GALR3: variants seen among roughly 807,000 people sequenced by gnomAD.
The protein encoded by GALR3 is galanin receptor type 3.
Under a neutral mutation model 6.9 loss-of-function variants are expected in GALR3, and 5 were observed. That is an observed-to-expected ratio of 0.72 (90% confidence interval 0.38 to 1.52). The LOEUF (loss-of-function observed/expected upper bound fraction) is 1.52, where lower values mean the gene tolerates loss of function less well. Ranked by LOEUF, GALR3 falls within the 40% of genes most tolerant of loss-of-function variation. GALR3 has a pLI of 0.03. For synonymous variants in GALR3, 308 were observed against 263.6 expected, an observed-to-expected ratio of 1.17 and a Z score of -1.63; for missense variants, 570 against 545.6, an observed-to-expected ratio of 1.04 and a Z score of -0.44.
Position 37,824,772 on chromosome 22 carries a change from C to G in GALR3, c.409C>G (p.Arg137Gly). Residue 137 changes from arginine (R) to glycine (G), a missense_variant, in exon 2 of 2, where the codon CGT becomes GGT. Arg to Gly is a moderately radical substitution (Grantham distance 125). Transcript: ENST00000249041. The part of the protein sequence containing the change: ...PLRSRALRTP[R>G]NARAAVGLVW... ...GCGCTCGCGCGCCCTGCGCACGCCG[C>G]GTAACGCCCGCGCCGCAGTGGGGCT... 1 of 1,284,902 alleles carries G rather than the reference C, an allele frequency of 7.8e-7. No homozygotes were observed. The highest frequency in any genetic ancestry group is 9.8e-7 in the Non-Finnish European group (1 of 1,017,526). The allele number at this position is 1,284,902 out of a possible 1,614,324, so 79.6% of individuals were successfully genotyped here. A position where few individuals can be genotyped will look rare whatever the true frequency, so the allele number is the denominator to read the frequency against.
intron 1 of GALR3, 101 bp downstream of exon 1, chr22:37,823,866 G>A: frequency 1.5e-6 from 1 of 688,864 alleles, no homozygotes; most frequent in East Asian, 2.7e-5. Flanking sequence ...GAGAGAGTGG[G>A]GGACCAGAAA....
chr22:37,823,864 G>C lies in GALR3; in HGVS notation c.359+99G>C, dbSNP rs2145944507. The C allele has an allele frequency of 4.3e-6, 3 of 690,740 alleles. No homozygotes were observed. In the South Asian group the frequency reaches 5.5e-5, roughly 13 times the overall value. 42.8% of individuals were successfully genotyped at this position (690,740 alleles called of 1,614,324 possible). On this transcript the variant is annotated intron_variant, in intron 1 of 1. Transcript: ENST00000249041. ...TCACTGGCCTTAGGAAGGAGAGAGT[G>C]GGGGACCAGAAAGGGAGGTGGGTGG...
At position 37,825,107 on chromosome 22, in the gene GALR3, G is replaced by A. The variant is rs1197672262; in HGVS notation, c.744G>A (p.Trp248Ter). 1.3e-5 allele frequency: 18 copies of A among 1,371,716 alleles called. No homozygotes were observed. The highest frequency in any genetic ancestry group is 2.1e-4 in the Middle Eastern group (1 of 4,692). The allele number at this position is 1,371,716 out of a possible 1,614,324, so 85.0% of individuals were successfully genotyped here. ...LAVAALYALC[W>*]GPHHALILCF... ...TGGCCGCGCTCTACGCGCTCTGCTGGGGTCCGCACCACGCGCTCATCCTGT... is the reference window on the plus strand; with the variant it reads ...TGGCCGCGCTCTACGCGCTCTGCTGAGGTCCGCACCACGCGCTCATCCTGT... The change falls in exon 2 of 2, where the codon TGG becomes TGA. Residue 248 changes from tryptophan (W) to a stop codon, truncating the protein, a stop_gained. Coordinates refer to ENST00000249041, the MANE Select transcript of GALR3 (RefSeq NM_003614.2). LOFTEE classifies it low-confidence loss of function (END_TRUNC).
Position 37,823,586 on chromosome 22 carries a change from C to A in GALR3, c.180C>A (p.Phe60Leu), listed in dbSNP as rs1251896665. ...WQEPGSTTDL[F>L]ILNLAVADLC... ...AGCCTGGCAGCACCACGGACCTGTT[C>A]ATCCTCAACCTGGCGGTGGCTGACC... Residue 60 changes from phenylalanine (F) to leucine (L), a missense_variant, in exon 1 of 2, where the codon TTC becomes TTA. Phe to Leu is a conservative substitution (Grantham distance 22, BLOSUM62 0). Transcript: ENST00000249041. 1 of 1,614,156 alleles carries A rather than the reference C, an allele frequency of 6.2e-7. No individual in the cohort carries two copies. The highest frequency in any genetic ancestry group is 1.3e-5 in the African/African-American group (1 of 75,066).
chr22:37,824,374 T>C (rs1190141255), intron 1 of GALR3, among the ~76,000 whole-genome samples: 1 of 152,088 alleles, frequency 6.6e-6, no homozygotes, highest in Non-Finnish European at 1.5e-5. Flanking sequence ...CCAGCCCAGC[T>C]ATTTTCTAAC....
intron 1 of GALR3, among the ~76,000 whole-genome samples, chr22:37,824,389 C>T (rs1922532898): frequency 6.6e-6 from 1 of 152,154 alleles, no homozygotes; most frequent in Non-Finnish European, 1.5e-5. Flanking sequence ...TCTAACTGCC[C>T]ACACCTGGCC....
intron 1 of GALR3, 61 bp from the exon 2 acceptor site, chr22:37,824,662 C>G (rs1310158678): frequency 1.5e-5 from 16 of 1,055,958 alleles, no homozygotes; most frequent in Non-Finnish European, 1.5e-5. Context: ...GGGCGCGGGA[C>G]GTGGCGCGGG....
At position 37,825,389 on chromosome 22, in the gene GALR3, G is replaced by A. The variant is rs1922584929; in HGVS notation, c.1026G>A (p.Arg342=). The A allele has an allele frequency of 7.2e-7, 1 of 1,388,972 alleles. No individual in the cohort carries two copies. Among genetic ancestry groups the A allele is most frequent in the Non-Finnish European group, 9.4e-7 (1 of 1,066,740 alleles). The allele number at this position is 1,388,972 out of a possible 1,614,324, so 86.0% of individuals were successfully genotyped here. The change falls in exon 2 of 2, where the codon AGG becomes AGA. Residue 342 remains arginine (R), a synonymous_variant. Coordinates refer to ENST00000249041, the MANE Select transcript of GALR3 (RefSeq NM_003614.2). ...GCPGDARPSG[R]LLAGGGQGPE... is the part of the protein sequence containing the mutation. Reference sequence around the variant, plus strand: ...CCGGAGACGCCCGGCCTAGCGGGAGGCTGCTGGCTGGTGGCGGCCAGGGCC... The same window carrying A: ...CCGGAGACGCCCGGCCTAGCGGGAGACTGCTGGCTGGTGGCGGCCAGGGCC...
rs778971655 is a variant in GALR3, at chr22:37,825,122, G to A, written c.759G>A (p.Ala253=). ...CGCTCTGCTGGGGTCCGCACCACGCGCTCATCCTGTGCTTCTGGTACGGCC... is the reference window on the plus strand; with the variant it reads ...CGCTCTGCTGGGGTCCGCACCACGCACTCATCCTGTGCTTCTGGTACGGCC... ...LYALCWGPHH[A]LILCFWYGRF... Residue 253 remains alanine, a synonymous_variant, in exon 2 of 2, where the codon GCG becomes GCA. Transcript: ENST00000249041. 4.9e-6 allele frequency: 7 copies of A among 1,437,478 alleles called. No individual in the cohort carries two copies. The highest frequency in any genetic ancestry group is 3.0e-5 in the East Asian group (1 of 33,006). 89.0% of individuals were successfully genotyped at this position (1,437,478 alleles called of 1,614,324 possible).
At position 37,824,848 on chromosome 22, in the gene GALR3, G is replaced by C; in HGVS notation, c.485G>C (p.Gly162Ala). ...LFSAPYLSYYGTVRYGALELC... is the reference protein window; with the variant it reads ...LFSAPYLSYYATVRYGALELC... ...TCGGCGCCCTACCTCAGCTACTACG[G>C]CACCGTGCGCTACGGCGCGCTGGAG... Residue 162 changes from glycine to alanine, a missense_variant, in exon 2 of 2, where the codon GGC becomes GCC. Physicochemically the swap from Gly to Ala is moderately conservative, Grantham distance 60 (BLOSUM62 0). Coordinates refer to ENST00000249041, the MANE Select transcript of GALR3 (RefSeq NM_003614.2). 1 of 1,417,096 alleles carries C rather than the reference G, an allele frequency of 7.1e-7. No homozygotes were observed. The highest frequency in any genetic ancestry group is 9.3e-7 in the Non-Finnish European group (1 of 1,079,826). 87.8% of individuals were successfully genotyped at this position (1,417,096 alleles called of 1,614,324 possible).
At position 37,825,347 on chromosome 22, in the gene GALR3, G is replaced by T; in HGVS notation, c.984G>T (p.Ser328=). ...TGCGTCGCGTCCGCCCCGCGTCCTC[G>T]GGCCCACCCGGCTGCCCCGGAGACG... is the stretch of plus-strand genomic sequence containing the variant. ...RALRRVRPAS[S]GPPGCPGDAR... The change falls in exon 2 of 2, where the codon TCG becomes TCT. Residue 328 remains serine (S), a synonymous_variant. Transcript: ENST00000249041. The T allele has an allele frequency of 7.7e-7, 1 of 1,293,950 alleles. No individual in the cohort carries two copies. The highest frequency in any genetic ancestry group is 9.8e-7 in the Non-Finnish European group (1 of 1,021,210). The allele number at this position is 1,293,950 out of a possible 1,614,324, so 80.2% of individuals were successfully genotyped here.
rs762101065 is a variant in GALR3 at position 37,823,577 on chromosome 22, G to C, written c.171G>C (p.Thr57=). 2 of 1,614,084 alleles carry C rather than the reference G, an allele frequency of 1.2e-6. No homozygotes were observed. The highest frequency in any genetic ancestry group is 1.7e-6 in the Non-Finnish European group (2 of 1,180,012). ...PSAWQEPGST[T]DLFILNLAVA... ...CCTGGCAGGAGCCTGGCAGCACCAC[G>C]GACCTGTTCATCCTCAACCTGGCGG... Residue 57 remains threonine, a synonymous_variant, in exon 1 of 2, where the codon ACG becomes ACC. Transcript: ENST00000249041.
Position 37,823,679 on chromosome 22 carries a change from G to C in GALR3, c.273G>C (p.Gly91=). Residue 91 remains glycine, a synonymous_variant, in exon 1 of 2, where the codon GGG becomes GGC. Transcript: ENST00000249041. The stretch of plus-strand genomic sequence containing the variant: ...ACACGCTGGATGCCTGGCTCTTTGG[G>C]GCCCTCGTCTGCAAGGCCGTGCACC... ...TIYTLDAWLF[G]ALVCKAVHLL... is the part of the protein sequence containing the mutation. 1 of 1,613,890 alleles carries C rather than the reference G, an allele frequency of 6.2e-7. No homozygotes were observed. The highest frequency in any genetic ancestry group is 8.5e-7 in the Non-Finnish European group (1 of 1,179,958).
Position 37,823,660 on chromosome 22 carries a change from T to C in GALR3, c.254T>C (p.Leu85Pro). 2.5e-6 allele frequency: 4 copies of C among 1,614,050 alleles called. No individual in the cohort carries two copies. The highest frequency in any genetic ancestry group is 3.4e-6 in the Non-Finnish European group (4 of 1,179,968). ...CCCTTCCAGGCCACCATCTACACGC[T>C]GGATGCCTGGCTCTTTGGGGCCCTC... Reference protein sequence around the residue: ...CVPFQATIYTLDAWLFGALVC... With the variant: ...CVPFQATIYTPDAWLFGALVC... The change falls in exon 1 of 2, where the codon CTG becomes CCG. Residue 85 changes from leucine (L) to proline (P), a missense_variant. Leu to Pro is a moderately conservative substitution (Grantham distance 98). Coordinates refer to ENST00000249041, the MANE Select transcript of GALR3 (RefSeq NM_003614.2).
At chr22:37,823,849 T>G in intron 1 of GALR3, 84 bp downstream of exon 1, 1 of 748,318 alleles carries the variant, frequency 1.3e-6, no homozygotes, top group Non-Finnish European at 2.2e-6. Flanking sequence ...TCACTGGCCT[T>G]AGGAAGGAGA....
intron 1 of GALR3, among the ~76,000 whole-genome samples, chr22:37,824,469 C>T (rs975069794): frequency 6.6e-6 from 1 of 152,206 alleles, no homozygotes; most frequent in African/African-American, 2.4e-5. Context: ...CAGCTGATGA[C>T]CCTGGGCAAG....
In GALR3 at chr22:37,823,766, G is replaced by A; in HGVS notation, c.359+1G>A. 1.3e-6 allele frequency: 2 copies of A among 1,570,130 alleles called. No individual in the cohort carries two copies. The highest frequency in any genetic ancestry group is 1.1e-5 in the South Asian group (1 of 89,638). ...CGCTGGCTGCTGTCTCCGTGGACAG[G>A]TGCGCTGTGCCTGGGGCCTGGCTGG... On this transcript the variant is annotated splice_donor_variant, in intron 1 of 1. Transcript: ENST00000249041. LOFTEE classifies it high-confidence loss of function.
In GALR3 at chr22:37,824,971, C is replaced by G; in HGVS notation, c.608C>G (p.Ala203Gly). ...YLLPVAVVSL[A>G]YGRTLRFLWA... ...CTGCCCGTGGCTGTGGTGAGCCTGGCCTACGGGCGCACGCTGCGCTTCCTG... is the reference window on the plus strand; with the variant it reads ...CTGCCCGTGGCTGTGGTGAGCCTGGGCTACGGGCGCACGCTGCGCTTCCTG... Residue 203 changes from alanine (A) to glycine (G), a missense_variant, in exon 2 of 2, where the codon GCC becomes GGC. Coordinates refer to ENST00000249041, the MANE Select transcript of GALR3 (RefSeq NM_003614.2). 1 of 1,249,756 alleles carries G rather than the reference C, an allele frequency of 8.0e-7. No homozygotes were observed. Among genetic ancestry groups the G allele is most frequent in the Non-Finnish European group, 1.0e-6 (1 of 990,884 alleles). The allele number at this position is 1,249,756 out of a possible 1,614,324, so 77.4% of individuals were successfully genotyped here.
At position 37,825,334 on chromosome 22, in the gene GALR3, G is replaced by GCCCCGCGTCCT. The variant is rs1294210526; in HGVS notation, c.973_983dup (p.Gly329ProfsTer?). The GCCCCGCGTCCT allele has an allele frequency of 3.1e-6, 4 of 1,277,656 alleles. No individual in the cohort carries two copies. The highest frequency in any genetic ancestry group is 3.9e-6 in the Non-Finnish European group (4 of 1,015,444). The allele number at this position is 1,277,656 out of a possible 1,614,324, so 79.1% of individuals were successfully genotyped here. On this transcript the variant is annotated frameshift_variant, in exon 2 of 2. Transcript: ENST00000249041. LOFTEE classifies it low-confidence loss of function (END_TRUNC). Reference sequence around the variant, plus strand: ...GCCCGCCGCGCCTTGCGTCGCGTCCGCCCCGCGTCCTCGGGCCCACCCGGC... The same window carrying GCCCCGCGTCCT: ...GCCCGCCGCGCCTTGCGTCGCGTCCGCCCCGCGTCCTCCCCGCGTCCTCGGGCCCACCCGGC...
Sources: gnomAD v4.1 joint callset for allele counts (sites outside exome capture counted in the v4.1 genomes callset) on GRCh38, gnomAD v4.1.1 for gene constraint, MANE v1.5 for transcripts, NCBI Gene and HGNC (gene_info 2026-07-23, HGNC 2026-07-21) for gene names.